The following AFG2A variants were observed in gnomAD, a reference collection of about 807,000 sequenced individuals.
The protein encoded by AFG2A is AAA ATPase AFG2A.
chr4:123,318,778 G>GC, the AFG2A span: 2 of 74,930 alleles, frequency 2.7e-5, no homozygotes, highest in African/African-American at 6.1e-5. Flanking sequence ...AAAAAAAAAG[G>GC]GGGGAACAGT....
chr4:122,971,426 A>G, the AFG2A span, among the ~76,000 whole-genome samples: 1 of 152,138 alleles, frequency 6.6e-6, no homozygotes, highest in Non-Finnish European at 1.5e-5. Context: ...ACAAAAAACA[A>G]AATTTTAGTA....
chr4:123,270,423 C>T, the AFG2A span, among the ~76,000 whole-genome samples: 2 of 152,114 alleles, frequency 1.3e-5, no homozygotes, highest in African/African-American at 4.8e-5. Context: ...GAAGGGTACT[C>T]CCTAACTGAA....
the AFG2A span, among the ~76,000 whole-genome samples, chr4:123,060,829 A>G: frequency 6.6e-6 from 1 of 152,170 alleles, no homozygotes; most frequent in Non-Finnish European, 1.5e-5. Flanking sequence ...TTTCTTTTCT[A>G]CTGTATCTTC....
At chr4:123,224,989 T>G in the AFG2A span, among the ~76,000 whole-genome samples, 179 of 152,130 alleles carry the variant, frequency 1.2e-3, no homozygotes, top group Non-Finnish European at 1.4e-3. Flanking sequence ...TCATGTGTCT[T>G]TTGGCTGCAT....
the AFG2A span, among the ~76,000 whole-genome samples, chr4:123,017,189 A>G: frequency 0.64 from 34,737 of 53,908 alleles, 10,635 homozygotes; most frequent in Non-Finnish European, 0.7. Flanking sequence ...GGGAGAGGGA[A>G]AGGGAGAGGG....
the AFG2A span, chr4:123,260,144 A>C: frequency 6.6e-6 from 1 of 152,158 alleles, no homozygotes; most frequent in Non-Finnish European, 1.5e-5. Flanking sequence ...AGCAAAAAAA[A>C]CACCTTCTTT....
At chr4:123,232,317 G>A in the AFG2A span, among the ~76,000 whole-genome samples, 1 of 151,880 alleles carries the variant, frequency 6.6e-6, no homozygotes, top group Non-Finnish European at 1.5e-5. Flanking sequence ...AGAGGGGGAG[G>A]AGCCAGCAAG....
the AFG2A span, among the ~76,000 whole-genome samples, chr4:123,214,086 G>A: frequency 2.6e-5 from 4 of 151,996 alleles, no homozygotes; most frequent in African/African-American, 9.7e-5. Context: ...ATATAATTTG[G>A]TAATTAGCAT....
chr4:123,296,251 C>A, the AFG2A span, among the ~76,000 whole-genome samples: 24 of 151,598 alleles, frequency 1.6e-4, no homozygotes, highest in African/African-American at 5.1e-4. Context: ...ATACAGGAGG[C>A]AGGAGATGTT....
the AFG2A span, among the ~76,000 whole-genome samples, chr4:123,180,678 C>T: frequency 5.2e-3 from 785 of 152,264 alleles, 4 homozygotes; most frequent in South Asian, 9.1e-3. Context: ...CTAAAGCTAC[C>T]TTAAAACATT....
the AFG2A span, among the ~76,000 whole-genome samples, chr4:123,145,473 T>C: frequency 6.6e-6 from 1 of 152,148 alleles, no homozygotes; most frequent in South Asian, 2.1e-4. Context: ...TAGCAAATAA[T>C]GCACTTTCAA....
the AFG2A span, among the ~76,000 whole-genome samples, chr4:123,228,951 A>G: frequency 3.3e-5 from 5 of 151,978 alleles, no homozygotes; most frequent in Admixed American, 2.0e-4. Context: ...CCAGGCTGGA[A>G]CTGGAATGGA....
the AFG2A span, among the ~76,000 whole-genome samples, chr4:123,095,331 A>G: frequency 6.6e-6 from 1 of 152,060 alleles, no homozygotes; most frequent in Non-Finnish European, 1.5e-5. Flanking sequence ...CTCAGATGAT[A>G]TATACTGTAT....
the AFG2A span, among the ~76,000 whole-genome samples, chr4:122,968,114 C>T: frequency 9.1e-3 from 1,381 of 151,966 alleles, 9 homozygotes; most frequent in Non-Finnish European, 0.014. Flanking sequence ...TAGTGTGGTA[C>T]CTTTGTTATA....
At chr4:123,292,723 C>T in the AFG2A span, among the ~76,000 whole-genome samples, 2 of 152,086 alleles carry the variant, frequency 1.3e-5, no homozygotes, top group South Asian at 4.2e-4. Flanking sequence ...TTCACTGTCT[C>T]GTGGGGCTGG....
At chr4:123,190,605 G>C in the AFG2A span, among the ~76,000 whole-genome samples, 2 of 152,138 alleles carry the variant, frequency 1.3e-5, no homozygotes, top group Non-Finnish European at 2.9e-5. Context: ...TCCTCTAATA[G>C]ATTAATGGAC....
At chr4:123,252,668 A>G in the AFG2A span, among the ~76,000 whole-genome samples, 1 of 152,226 alleles carries the variant, frequency 6.6e-6, no homozygotes, top group Non-Finnish European at 1.5e-5. Context: ...ATCAACTTAT[A>G]TGTACAAGTC....
chr4:123,077,972 A>G, the AFG2A span, among the ~76,000 whole-genome samples: 1 of 152,208 alleles, frequency 6.6e-6, no homozygotes, highest in Non-Finnish European at 1.5e-5. Flanking sequence ...CAAAACACAC[A>G]TTATTTGTAA....
At chr4:122,929,856 T>C in the AFG2A span, among the ~76,000 whole-genome samples, 12 of 152,346 alleles carry the variant, frequency 7.9e-5, no homozygotes, top group Non-Finnish European at 1.6e-4. Context: ...TAGTGGCCAC[T>C]TGTGTTATAT....
Sources: gnomAD v4.1 joint callset for allele counts (sites outside exome capture counted in the v4.1 genomes callset) on GRCh38, gnomAD v4.1.1 for gene constraint, MANE v1.5 for transcripts, NCBI Gene and HGNC (gene_info 2026-07-23, HGNC 2026-07-21) for gene names.